PTPRD: variants seen among roughly 807,000 people sequenced by gnomAD.
PTPRD encodes the protein receptor-type tyrosine-protein phosphatase delta.
In PTPRD, 34 loss-of-function variants were observed where a neutral mutation model predicts 214.5. That is an observed-to-expected ratio of 0.16 (90% CI 0.12 to 0.21). PTPRD has a LOEUF of 0.21. Ranked by LOEUF, PTPRD falls within the 10% of genes least tolerant of loss-of-function variation. PTPRD has a pLI of 1.00. For missense variants in PTPRD, 2,545 were observed against 2,398.7 expected, an observed-to-expected ratio of 1.06 and a Z score of -1.27; for synonymous variants, 1,128 against 845.7, an observed-to-expected ratio of 1.33 and a Z score of -5.79.
At chr9:8,625,549 G>T (rs1005695223) in intron 14 of PTPRD, among the ~76,000 whole-genome samples, 2 of 151,348 alleles carry the variant, frequency 1.3e-5, no homozygotes, top group Non-Finnish European at 3.0e-5. Context: ...AGAAATATAG[G>T]ATCTCTTCTG....
intron 11 of PTPRD, among the ~76,000 whole-genome samples, chr9:8,868,632 T>G (rs1352296154): frequency 1.3e-5 from 2 of 152,012 alleles, no homozygotes; most frequent in African/African-American, 4.8e-5. Flanking sequence ...AAGTTGTTTC[T>G]TTTTTTTCTC....
Position 8,662,439 on chromosome 9 carries a change from A to G in PTPRD, c.65-25595T>C, listed in dbSNP as rs557693049. On this transcript the variant is annotated intron_variant, in intron 12 of 45. Coordinates refer to ENST00000381196, the MANE Select transcript of PTPRD (RefSeq NM_002839.4). ...CTCTGCTGCTGGTTATGTTCATGGT[A>G]TGGTCTGGGTACAACAGGGAAGAGA... is the stretch of plus-strand genomic sequence containing the variant. Among the ~76,000 whole-genome samples, 21 of 152,316 alleles carry G rather than the reference A, an allele frequency of 1.4e-4. 1 individual carries two copies. In the East Asian group the frequency reaches 3.9e-3, roughly 28 times the overall value.
At chr9:9,215,561 G>A (rs971310529) in intron 9 of PTPRD, among the ~76,000 whole-genome samples, 3 of 152,138 alleles carry the variant, frequency 2.0e-5, no homozygotes, top group Admixed American at 6.6e-5. Context: ...CTCTGTTTTG[G>A]CAGGAATTTC....
intron 10 of PTPRD, among the ~76,000 whole-genome samples, chr9:9,089,188 T>A (rs900526620): frequency 6.6e-6 from 1 of 152,196 alleles, no homozygotes; most frequent in Non-Finnish European, 1.5e-5. Context: ...CTTGACACAG[T>A]TGACAGCTAT....
intron 7 of PTPRD, among the ~76,000 whole-genome samples, chr9:9,597,783 T>C (rs759453477): frequency 6.6e-6 from 1 of 152,010 alleles, no homozygotes; most frequent in Non-Finnish European, 1.5e-5. Flanking sequence ...GATACATGTA[T>C]ATATTGGAAT....
At chr9:10,484,728 C>G (rs1451684513) in intron 2 of PTPRD, among the ~76,000 whole-genome samples, 2 of 151,706 alleles carry the variant, frequency 1.3e-5, no homozygotes. Context: ...ATATTTTTTC[C>G]TATATAGTTG....
At chr9:10,369,413 G>C (rs1420413520) in intron 2 of PTPRD, among the ~76,000 whole-genome samples, 2 of 152,020 alleles carry the variant, frequency 1.3e-5, no homozygotes, top group Non-Finnish European at 2.9e-5. Context: ...GGCGGGGACA[G>C]AGTGGAGACA....
chr9:10,554,816 A>G (rs1317015488), intron 2 of PTPRD, among the ~76,000 whole-genome samples: 4 of 151,834 alleles, frequency 2.6e-5, no homozygotes, highest in Non-Finnish European at 5.9e-5. Context: ...GCCCGCCACC[A>G]CGCCCGGCTA....
intron 11 of PTPRD, among the ~76,000 whole-genome samples, chr9:8,848,820 T>C (rs111975138): frequency 0.012 from 1,781 of 149,950 alleles, 156 homozygotes; most frequent in Middle Eastern, 0.085. Context: ...CTTGGGCAAA[T>C]TACTTAATCT....
At chr9:8,668,723 A>G (rs1040540085) in intron 12 of PTPRD, among the ~76,000 whole-genome samples, 1 of 152,244 alleles carries the variant, frequency 6.6e-6, no homozygotes, top group African/African-American at 2.4e-5. Context: ...TAAGTGATTC[A>G]TAACTGTCTT....
chr9:9,387,940 A>G (rs1586798804), intron 9 of PTPRD, among the ~76,000 whole-genome samples: 1 of 152,240 alleles, frequency 6.6e-6, no homozygotes, highest in East Asian at 1.9e-4. Context: ...TTTCCCACCT[A>G]TAGGTGGCCT....
In PTPRD at chr9:9,525,232, T is replaced by C. The variant is rs190608802; in HGVS notation, c.-237+49500A>G. Among the ~76,000 whole-genome samples, 152 of 152,260 alleles carry C rather than the reference T, an allele frequency of 1.0e-3. 1 individual carries two copies. Among genetic ancestry groups the C allele is most frequent in the Admixed American group, 1.6e-3 (25 of 15,294 alleles). On this transcript the variant is annotated intron_variant, in intron 8 of 45. Coordinates refer to ENST00000381196, the MANE Select transcript of PTPRD (RefSeq NM_002839.4). ...TCTTTTGGAAGATCTGGGTATCTGG[T>C]CCTCTTTGACATTTCATAGTCCTGG... is the stretch of plus-strand genomic sequence containing the variant.
At chr9:9,888,613 T>C (rs908570055) in intron 5 of PTPRD, among the ~76,000 whole-genome samples, 1 of 152,124 alleles carries the variant, frequency 6.6e-6, no homozygotes, top group East Asian at 1.9e-4. Context: ...TCTTTCTTCC[T>C]TCCTGTCACA....
chr9:10,276,537 C>A (rs1228565149), intron 3 of PTPRD, among the ~76,000 whole-genome samples: 1 of 152,130 alleles, frequency 6.6e-6, no homozygotes, highest in Non-Finnish European at 1.5e-5. Flanking sequence ...TAGACAAATT[C>A]ATTGCATTAG....
chr9:9,046,704 C>G (rs1186984046), intron 10 of PTPRD, among the ~76,000 whole-genome samples: 2 of 152,074 alleles, frequency 1.3e-5, no homozygotes, highest in African/African-American at 4.8e-5. Flanking sequence ...TGTAATCATG[C>G]AGGCAATTTT....
intron 2 of PTPRD, among the ~76,000 whole-genome samples, chr9:10,543,506 A>AC (rs71332756): frequency 2.4e-4 from 37 of 151,192 alleles, no homozygotes; most frequent in Admixed American, 5.3e-4. Flanking sequence ...ACACACACAC[A>AC]AACACACACA....
rs182794084 is a variant in PTPRD, at chr9:9,845,313, G to C, written c.-367-78462C>G. The stretch of plus-strand genomic sequence containing the variant: ...AAGAGAGAAAGGGATATATTACAAA[G>C]TCAAAAATGCTTATCTGACATAACT... On this transcript the variant is annotated intron_variant, in intron 5 of 45. Coordinates refer to ENST00000381196, the MANE Select transcript of PTPRD (RefSeq NM_002839.4). Among the ~76,000 whole-genome samples the C allele has an allele frequency of 1.1e-4, 16 of 147,814 alleles. No individual in the cohort carries two copies. In the East Asian group the frequency reaches 3.0e-3, roughly 27 times the overall value.
intron 9 of PTPRD, among the ~76,000 whole-genome samples, chr9:9,391,055 A>T (rs1269717161): frequency 2.0e-5 from 3 of 152,220 alleles, no homozygotes; most frequent in Non-Finnish European, 2.9e-5. Flanking sequence ...AAGAGACTGC[A>T]TTAAGTGCAC....
At chr9:10,531,830 A>C (rs941449311) in intron 2 of PTPRD, among the ~76,000 whole-genome samples, 2 of 152,196 alleles carry the variant, frequency 1.3e-5, no homozygotes, top group African/African-American at 4.8e-5. Flanking sequence ...GTATTCCAAC[A>C]AATTTACATT....
Sources: gnomAD v4.1 joint callset for allele counts (sites outside exome capture counted in the v4.1 genomes callset) on GRCh38, gnomAD v4.1.1 for gene constraint, MANE v1.5 for transcripts, NCBI Gene and HGNC (gene_info 2026-07-23, HGNC 2026-07-21) for gene names.